The following ANKS1B variants were observed in gnomAD, a reference collection of about 807,000 sequenced individuals.
ANKS1B encodes ankyrin repeat and sterile alpha motif domain-containing protein 1B.
In ANKS1B, 36 loss-of-function variants were observed where a neutral mutation model predicts 148.3. That is an observed-to-expected ratio of 0.24 (90% confidence interval 0.19 to 0.32). The LOEUF (loss-of-function observed/expected upper bound fraction) is 0.32. Ranked by LOEUF, ANKS1B falls within the 10% of genes least tolerant of loss-of-function variation. The pLI, the probability that ANKS1B is intolerant of heterozygous loss-of-function variation, is 1.00. For missense variants in ANKS1B, 1,157 were observed against 1,542.6 expected (o/e 0.75, Z 4.19); for synonymous variants, 542 against 560.8 (o/e 0.97, Z 0.47).
chr12:98,892,006 T>G (rs1232625785), intron 17 of ANKS1B, among the ~76,000 whole-genome samples: 3 of 152,250 alleles, frequency 2.0e-5, no homozygotes, highest in Non-Finnish European at 2.9e-5. Flanking sequence ...CAAATACAAA[T>G]GTTTTACTCA....
At chr12:99,475,226 C>G (rs1315328510) in intron 10 of ANKS1B, among the ~76,000 whole-genome samples, 2 of 145,174 alleles carry the variant, frequency 1.4e-5, no homozygotes, top group African/African-American at 5.1e-5. Context: ...GCCTGGGTGA[C>G]AGAGTCAGAC....
chr12:99,499,074 A>T (rs1289574962), intron 10 of ANKS1B, among the ~76,000 whole-genome samples: 1 of 152,206 alleles, frequency 6.6e-6, no homozygotes, highest in African/African-American at 2.4e-5. Context: ...AAGAAGTAAC[A>T]GTTATGTTGA....
chr12:99,772,901 A>AT (rs2063332586), intron 8 of ANKS1B, 21 bp downstream of exon 8: 1 of 1,600,890 alleles, frequency 6.2e-7, no homozygotes, highest in African/African-American at 1.3e-5. Flanking sequence ...CATTATCTTC[A>AT]TTCCCCCCCG....
At chr12:99,663,353 T>C (rs1179071950) in intron 8 of ANKS1B, among the ~76,000 whole-genome samples, 3 of 152,166 alleles carry the variant, frequency 2.0e-5, no homozygotes, top group African/African-American at 7.2e-5. Flanking sequence ...ATATTAGCTA[T>C]GATCAGAAAC....
Position 99,572,985 on chromosome 12 carries a change from C to A in ANKS1B, c.1273-68344G>T, listed in dbSNP as rs561067788. Among the ~76,000 whole-genome samples, 303 of 152,140 alleles carry A rather than the reference C, an allele frequency of 2.0e-3. 1 individual carries two copies. The highest frequency in any genetic ancestry group is 7.0e-3 in the African/African-American group (289 of 41,536). The stretch of plus-strand genomic sequence containing the variant: ...TATTATCTTTATTCATTATTATCAT[C>A]TCCATTTTATGGATATGGAAATTGA... On this transcript the variant is annotated intron_variant, in intron 9 of 26. Coordinates refer to ENST00000683438, the MANE Select transcript of ANKS1B (RefSeq NM_001352186.2).
At chr12:99,572,558 T>G (rs1048279982) in intron 9 of ANKS1B, among the ~76,000 whole-genome samples, 1 of 152,112 alleles carries the variant, frequency 6.6e-6, no homozygotes, top group Non-Finnish European at 1.5e-5. Context: ...AGAATAGCCA[T>G]CAATTCAGTT....
chr12:98,953,289 G>A lies in ANKS1B; in HGVS notation c.2778+99868C>T, dbSNP rs11109679. Among the ~76,000 whole-genome samples, 1,165 of 152,162 alleles carry A rather than the reference G, an allele frequency of 7.7e-3. 14 individuals are homozygous for A. Among genetic ancestry groups the A allele is most frequent in the East Asian group, 0.047 (244 of 5,170 alleles). On this transcript the variant is annotated intron_variant, in intron 17 of 26. Coordinates refer to ENST00000683438, the MANE Select transcript of ANKS1B (RefSeq NM_001352186.2). The stretch of plus-strand genomic sequence containing the variant: ...ACCCACCTTGGCCTCCCAAAGTGCT[G>A]GGACTACAGGTGTGAGCCACTGCGC...
intron 19 of ANKS1B, among the ~76,000 whole-genome samples, chr12:98,826,602 T>G (rs1274575040): frequency 1.3e-5 from 2 of 152,142 alleles, no homozygotes; most frequent in Non-Finnish European, 2.9e-5. Context: ...AGAACATAAA[T>G]CTGTCCAGGT....
Position 98,764,124 on chromosome 12 carries a change from G to A in ANKS1B, c.3579+8918C>T, listed in dbSNP as rs60473445. Among the ~76,000 whole-genome samples the A allele has an allele frequency of 3.3e-3, 502 of 152,226 alleles. 3 individuals are homozygous for A. Among genetic ancestry groups the A allele is most frequent in the African/African-American group, 0.012 (485 of 41,524 alleles). Reference sequence around the variant, plus strand: ...AATCTTTATCCTGTAACTTGGCCAGGGTTTGTGCAAAGGTGGTACAGGAGG... The same window carrying A: ...AATCTTTATCCTGTAACTTGGCCAGAGTTTGTGCAAAGGTGGTACAGGAGG... On this transcript the variant is annotated intron_variant, in intron 25 of 26. Coordinates refer to ENST00000683438, the MANE Select transcript of ANKS1B (RefSeq NM_001352186.2).
intron 17 of ANKS1B, among the ~76,000 whole-genome samples, chr12:98,942,251 G>C (rs2099838058): frequency 6.6e-6 from 1 of 151,808 alleles, no homozygotes; most frequent in Non-Finnish European, 1.5e-5. Flanking sequence ...GGTGGGAGGT[G>C]GGGGAGCGGG....
At chr12:99,471,650 A>G (rs1234535438) in intron 10 of ANKS1B, among the ~76,000 whole-genome samples, 2 of 148,270 alleles carry the variant, frequency 1.3e-5, no homozygotes, top group African/African-American at 2.5e-5. Flanking sequence ...ATATGCGTGC[A>G]CACACACACA....
chr12:99,578,907 A>G (rs2097543477), intron 9 of ANKS1B, among the ~76,000 whole-genome samples: 1 of 152,182 alleles, frequency 6.6e-6, no homozygotes, highest in Non-Finnish European at 1.5e-5. Context: ...TCCTAAACAA[A>G]AAGAACAATG....
At chr12:98,805,086 T>G (rs781493988) in intron 20 of ANKS1B, among the ~76,000 whole-genome samples, 11 of 152,182 alleles carry the variant, frequency 7.2e-5, no homozygotes, top group Non-Finnish European at 1.6e-4. Context: ...CAGTGGTCTT[T>G]GAAAGGATTC....
At chr12:98,738,573 C>T (rs2097784382) in intron 9 of ANKS1B, among the ~76,000 whole-genome samples, 1 of 152,224 alleles carries the variant, frequency 6.6e-6, no homozygotes, top group African/African-American at 2.4e-5. Flanking sequence ...GATCTGCAGA[C>T]TGCAGCTTCA....
chr12:99,626,010 C>A (rs758340631), intron 9 of ANKS1B, among the ~76,000 whole-genome samples: 1 of 152,050 alleles, frequency 6.6e-6, no homozygotes, highest in Non-Finnish European at 1.5e-5. Flanking sequence ...ATGGCTGAAA[C>A]TAGGGCATCT....
At chr12:98,783,601 T>C (rs575252159) in intron 22 of ANKS1B, among the ~76,000 whole-genome samples, 92 of 152,260 alleles carry the variant, frequency 6.0e-4, no homozygotes, top group African/African-American at 2.2e-3. Flanking sequence ...TTAGGGGTGA[T>C]TGAGCTGACT....
intron 9 of ANKS1B, among the ~76,000 whole-genome samples, chr12:99,626,267 T>C (rs1365312166): frequency 1.3e-5 from 2 of 152,118 alleles, no homozygotes; most frequent in African/African-American, 4.8e-5. Flanking sequence ...CCCTAAAATA[T>C]CACCTTTTCA....
At chr12:99,700,578 C>T (rs1387770469) in intron 8 of ANKS1B, among the ~76,000 whole-genome samples, 1 of 152,080 alleles carries the variant, frequency 6.6e-6, no homozygotes, top group African/African-American at 2.4e-5. Context: ...ATCTTAGCAA[C>T]CTCAGCACAT....
At chr12:99,913,658 T>C (rs924304962) in intron 1 of ANKS1B, among the ~76,000 whole-genome samples, 17 of 152,192 alleles carry the variant, frequency 1.1e-4, no homozygotes, top group African/African-American at 4.1e-4. Flanking sequence ...CCAGTCATCA[T>C]CTTATTTTTA....
Sources: gnomAD v4.1 joint callset for allele counts (sites outside exome capture counted in the v4.1 genomes callset) on GRCh38, gnomAD v4.1.1 for gene constraint, MANE v1.5 for transcripts, NCBI Gene and HGNC (gene_info 2026-07-23, HGNC 2026-07-21) for gene names.